Variants in PPARD observed in about 807,000 individuals in gnomAD.
The protein encoded by PPARD is peroxisome proliferator-activated receptor delta.
In PPARD, 6 loss-of-function variants were observed where a neutral mutation model predicts 39.5. That is an observed-to-expected ratio of 0.15 (90% CI 0.08 to 0.30). The LOEUF (loss-of-function observed/expected upper bound fraction) is 0.30, where lower values mean the gene tolerates loss of function less well. Ranked by LOEUF, PPARD falls within the 10% of genes least tolerant of loss-of-function variation. The pLI, the probability that PPARD is intolerant of heterozygous loss-of-function variation, is 1.00. For synonymous variants in PPARD, 210 were observed against 231.3 expected (o/e 0.91, Z 0.83); for missense variants, 397 against 596.8 (o/e 0.67, Z 3.49).
chr6:35,381,764 C>T (rs1757585852), intron 2 of PPARD, among the ~76,000 whole-genome samples: 1 of 152,138 alleles, frequency 6.6e-6, no homozygotes, highest in Non-Finnish European at 1.5e-5. Flanking sequence ...ATTCTGTCAC[C>T]AAGAAAGAAG....
chr6:35,357,233 G>A (rs1761666878), intron 2 of PPARD, among the ~76,000 whole-genome samples: 1 of 152,194 alleles, frequency 6.6e-6, no homozygotes. Flanking sequence ...GCCCAGATGG[G>A]TTCTCAGAAC....
At chr6:35,347,592 T>C (rs1419066351) in intron 2 of PPARD, among the ~76,000 whole-genome samples, 1 of 151,658 alleles carries the variant, frequency 6.6e-6, no homozygotes, top group Admixed American at 6.6e-5. Flanking sequence ...CAAATATATA[T>C]ATATATATAT....
rs183633088 is a variant in PPARD at position 35,413,658 on chromosome 6, G to T, written c.130+2441G>T. Reference sequence around the variant, plus strand: ...ACCACCAGGGGTGAAAGGGTAGTGTGGGCCAACACTTCTTAATGTGTGATT... The same window carrying T: ...ACCACCAGGGGTGAAAGGGTAGTGTTGGCCAACACTTCTTAATGTGTGATT... On this transcript the variant is annotated intron_variant, in intron 3 of 7. Transcript: ENST00000360694. Among the ~76,000 whole-genome samples the T allele has an allele frequency of 3.9e-5, 6 of 152,110 alleles. No homozygotes were observed. In the East Asian group the frequency reaches 1.2e-3, roughly 29 times the overall value.
At chr6:35,385,724 G>T (rs1366876759) in intron 2 of PPARD, among the ~76,000 whole-genome samples, 1 of 150,744 alleles carries the variant, frequency 6.6e-6, no homozygotes, top group Non-Finnish European at 1.5e-5. Context: ...GAAGATAATT[G>T]ACTGTGTTTT....
At chr6:35,346,820 G>A (rs757001297) in intron 1 of PPARD, among the ~76,000 whole-genome samples, 11 of 152,198 alleles carry the variant, frequency 7.2e-5, no homozygotes, top group Non-Finnish European at 1.5e-4. Context: ...CTTCTGCGCC[G>A]ACCTGATAAA....
chr6:35,349,057 G>T, intron 2 of PPARD: 5 of 965,972 alleles, frequency 5.2e-6, no homozygotes, highest in Non-Finnish European at 6.1e-6. Context: ...ACGGAGTCTC[G>T]CTCTGTCACC....
At chr6:35,347,784 T>G (rs1006716683) in intron 2 of PPARD, among the ~76,000 whole-genome samples, 6 of 151,990 alleles carry the variant, frequency 3.9e-5, no homozygotes, top group Non-Finnish European at 5.9e-5. Flanking sequence ...AATTTTTGTA[T>G]TTTTAGTAGA....
chr6:35,393,444 G>A (rs548301595), intron 2 of PPARD, among the ~76,000 whole-genome samples: 1 of 152,260 alleles, frequency 6.6e-6, no homozygotes, highest in East Asian at 1.9e-4. Context: ...GTGAGACCTT[G>A]CACTCTCTGA....
intron 2 of PPARD, among the ~76,000 whole-genome samples, chr6:35,355,541 G>A (rs1407795137): frequency 3.4e-5 from 4 of 117,282 alleles, no homozygotes; most frequent in Non-Finnish European, 6.5e-5. Context: ...GACAGAGTAA[G>A]GCCCTGTCTG....
At chr6:35,417,439 C>A (rs538581509) in intron 3 of PPARD, among the ~76,000 whole-genome samples, 1 of 151,746 alleles carries the variant, frequency 6.6e-6, no homozygotes, top group Non-Finnish European at 1.5e-5. Context: ...GCAGGTGCCA[C>A]GACACCCAAC....
rs1766520939 is a variant in PPARD, at chr6:35,425,615, GGGGAGGTGGGGA to G, written c.1079-216_1079-205del. ...CACAATACTACGTTGCCTAATCGGGGGGGAGGTGGGGACAAATTGGCAAAAAACAAAAGAAGT... is the reference window on the plus strand; with the variant it reads ...CACAATACTACGTTGCCTAATCGGGGCAAATTGGCAAAAAACAAAAGAAGT... On this transcript the variant is annotated intron_variant, in intron 7 of 7. Coordinates refer to ENST00000360694, the MANE Select transcript of PPARD (RefSeq NM_006238.5). This position sits in a 1 kb window ranked among gnomAD's most constrained non-coding sequence, Gnocchi z 4.5. 6.6e-6 allele frequency among the ~76,000 whole-genome samples: 1 copy of G among 152,156 alleles called. No individual in the cohort carries two copies. Among genetic ancestry groups the G allele is most frequent in the South Asian group, 2.1e-4 (1 of 4,826 alleles).
Position 35,401,377 on chromosome 6 carries a change from G to C in PPARD, c.-101-9610G>C, listed in dbSNP as rs956445218. 6.6e-6 allele frequency among the ~76,000 whole-genome samples: 1 copy of C among 152,152 alleles called. No individual in the cohort carries two copies. Among genetic ancestry groups the C allele is most frequent in the Non-Finnish European group, 1.5e-5 (1 of 68,028 alleles). On this transcript the variant is annotated intron_variant, in intron 2 of 7. Transcript: ENST00000360694. This position sits in a 1 kb window ranked among gnomAD's most constrained non-coding sequence, Gnocchi z 4.1. ...TTCAGTCTGTTATCACCTTCAGTCT[G>C]TTCTCATCTTCAGTCTGTTCTCCAC... is the stretch of plus-strand genomic sequence containing the variant.
Position 35,374,527 on chromosome 6 carries a change from A to G in PPARD, c.-102+27377A>G, listed in dbSNP as rs551703473. ...TAAAAAATTAGCCGGGCATGGTGGC[A>G]GGCACCTGTAGTCCCAGCTACTCGG... is the stretch of plus-strand genomic sequence containing the variant. On this transcript the variant is annotated intron_variant, in intron 2 of 7. Transcript: ENST00000360694. Among the ~76,000 whole-genome samples, 69 of 151,906 alleles carry G rather than the reference A, an allele frequency of 4.5e-4. 1 individual carries two copies. The highest frequency in any genetic ancestry group is 3.4e-3 in the Middle Eastern group (1 of 294).
At position 35,404,752 on chromosome 6, in the gene PPARD, C is replaced by T. The variant is rs543990181; in HGVS notation, c.-101-6235C>T. ...CCAGGTGGCTTAGTTGCTCTGGCCC[C>T]AGACCAGGTCTCTCTAGAGCTCTGG... On this transcript the variant is annotated intron_variant, in intron 2 of 7. Coordinates refer to ENST00000360694, the MANE Select transcript of PPARD (RefSeq NM_006238.5). Among the ~76,000 whole-genome samples, 5 of 152,304 alleles carry T rather than the reference C, an allele frequency of 3.3e-5. No individual in the cohort carries two copies. In the South Asian group the frequency reaches 8.3e-4, roughly 25 times the overall value.
intron 2 of PPARD, among the ~76,000 whole-genome samples, chr6:35,367,353 G>A (rs541238681): frequency 1.3e-5 from 2 of 152,284 alleles, no homozygotes; most frequent in South Asian, 2.1e-4. Flanking sequence ...ATATGGTGGT[G>A]TGGTGGTGGT....
In PPARD at chr6:35,425,936, C is replaced by T; in HGVS notation, c.1183C>T (p.Leu395Phe). ...LQANHPDAQY[L>F]FPKLLQKMAD... is the part of the protein sequence containing the mutation. ...GGCCAACCACCCTGATGCCCAGTAC[C>T]TCTTCCCCAAGCTGCTGCAGAAGAT... Residue 395 changes from leucine to phenylalanine, a missense_variant, in exon 8 of 8, where the codon CTC (leucine) becomes TTC (phenylalanine). Transcript: ENST00000360694. This position sits in a 1 kb window ranked among gnomAD's most constrained non-coding sequence, Gnocchi z 4.5. 6.2e-7 allele frequency: 1 copy of T among 1,614,176 alleles called. No individual in the cohort carries two copies. The highest frequency in any genetic ancestry group is 8.5e-7 in the Non-Finnish European group (1 of 1,180,030).
intron 2 of PPARD, among the ~76,000 whole-genome samples, chr6:35,382,640 A>G (rs988416408): frequency 2.0e-5 from 3 of 152,236 alleles, no homozygotes; most frequent in African/African-American, 7.2e-5. Context: ...GGCAATGGGA[A>G]GCCTGCTGCA....
intron 2 of PPARD, chr6:35,349,050 G>A: frequency 3.1e-6 from 3 of 963,958 alleles, no homozygotes; most frequent in Non-Finnish European, 3.7e-6. Context: ...TTTTGAGACG[G>A]AGTCTCGCTC....
chr6:35,405,631 G>C (rs1246237752), intron 2 of PPARD, among the ~76,000 whole-genome samples: 1 of 151,644 alleles, frequency 6.6e-6, no homozygotes, highest in Non-Finnish European at 1.5e-5. Context: ...GCTGTATTGT[G>C]GTTGTTGTTG....
Sources: gnomAD v4.1 joint callset for allele counts (sites outside exome capture counted in the v4.1 genomes callset) on GRCh38, gnomAD v4.1.1 for gene constraint, Gnocchi (gnomAD v3.1) non-coding constraint, MANE v1.5 for transcripts, NCBI Gene and HGNC (gene_info 2026-07-23, HGNC 2026-07-21) for gene names.